The following OSBPL3 variants were observed in gnomAD, a reference collection of about 807,000 sequenced individuals.
OSBPL3 encodes the protein oxysterol binding protein like 3, also known as oxysterol-binding protein-related protein 3.
OSBPL3 carries 65 observed loss-of-function variants against 120.1 expected under a neutral mutation model. The observed-to-expected ratio is 0.54, with a 90% CI of 0.44 to 0.67. The LOEUF (loss-of-function observed/expected upper bound fraction) is 0.67, where lower values mean the gene tolerates loss of function less well. Among genes scored for constraint, OSBPL3 ranks in the 30% least tolerant of loss-of-function variants. The pLI is 0.00. For synonymous variants in OSBPL3, 416 were observed against 402.6 expected (o/e 1.03, Z -0.40); for missense variants, 1,004 against 1,082.1 (o/e 0.93, Z 1.01).
intron 19 of OSBPL3, among the ~76,000 whole-genome samples, chr7:24,811,233 A>T (rs1793758533): frequency 6.6e-6 from 1 of 152,202 alleles, no homozygotes; most frequent in Non-Finnish European, 1.5e-5. Context: ...ATGAGGTGAT[A>T]TCTCATTGTG....
intron 1 of OSBPL3, among the ~76,000 whole-genome samples, chr7:24,893,201 T>C (rs898800793): frequency 1.3e-5 from 2 of 152,188 alleles, no homozygotes; most frequent in Non-Finnish European, 2.9e-5. Context: ...TTATTCACAA[T>C]AGTCAAAGGT....
intron 12 of OSBPL3, 82 bp downstream of exon 12, chr7:24,848,987 G>T: frequency 1.1e-6 from 1 of 931,272 alleles, no homozygotes. Flanking sequence ...AGGGGAAGCA[G>T]GGAGGTCGTG....
chr7:24,874,693 T>C (rs1025186648), intron 2 of OSBPL3, among the ~76,000 whole-genome samples: 2 of 151,998 alleles, frequency 1.3e-5, no homozygotes, highest in African/African-American at 2.4e-5. Flanking sequence ...CTACAAAATA[T>C]TGTGTTTTCT....
rs1367571953 is a variant in OSBPL3, at chr7:24,952,244, G to T, written c.-150+27642C>A. On this transcript the variant is annotated intron_variant, in intron 1 of 22. Coordinates refer to ENST00000313367, the MANE Select transcript of OSBPL3 (RefSeq NM_015550.4). This position sits in a 1 kb window ranked among gnomAD's most constrained non-coding sequence, Gnocchi z 4.4. ...TGATATTTCATGTGGGTTAGGATCT[G>T]TAATCTAAACAGAATTAAGAAAAAA... Among the ~76,000 whole-genome samples the T allele has an allele frequency of 1.3e-5, 2 of 152,122 alleles. No individual in the cohort carries two copies. Among genetic ancestry groups the T allele is most frequent in the African/African-American group, 4.8e-5 (2 of 41,410 alleles).
In OSBPL3 at chr7:24,936,591, C is replaced by T. The variant is rs1467532373; in HGVS notation, c.-150+43295G>A. ...CCCTAGCTGTGGGCCTTGAAACCTCCTATTTGGGCTTCTGCCAGGTGGCAA... is the reference window on the plus strand; with the variant it reads ...CCCTAGCTGTGGGCCTTGAAACCTCTTATTTGGGCTTCTGCCAGGTGGCAA... On this transcript the variant is annotated intron_variant, in intron 1 of 22. Coordinates refer to ENST00000313367, the MANE Select transcript of OSBPL3 (RefSeq NM_015550.4). The surrounding 1 kb of genome is among the most constrained non-coding windows in gnomAD (Gnocchi z 4.2). Among the ~76,000 whole-genome samples, 1 of 152,162 alleles carries T rather than the reference C, an allele frequency of 6.6e-6. No homozygotes were observed. The highest frequency in any genetic ancestry group is 1.5e-5 in the Non-Finnish European group (1 of 68,020).
intron 1 of OSBPL3, among the ~76,000 whole-genome samples, chr7:24,901,270 G>A (rs1261824013): frequency 1.3e-5 from 2 of 151,672 alleles, no homozygotes; most frequent in Non-Finnish European, 2.9e-5. Flanking sequence ...GAGCTGAGAT[G>A]GCGCCACTGT....
intron 14 of OSBPL3, among the ~76,000 whole-genome samples, chr7:24,840,166 C>T (rs1402331263): frequency 6.6e-6 from 1 of 151,850 alleles, no homozygotes; most frequent in African/African-American, 2.4e-5. Context: ...GGGGTGGGGT[C>T]CATGTCTTAG....
At position 24,863,067 on chromosome 7, in the gene OSBPL3, G is replaced by A. The variant is rs987250307; in HGVS notation, c.870+133C>T. The A allele has an allele frequency of 1.7e-4, 114 of 675,556 alleles. No individual in the cohort carries two copies. The highest frequency in any genetic ancestry group is 2.5e-4 in the Non-Finnish European group (93 of 371,042). The allele number at this position is 675,556 out of a possible 1,614,324, so 41.8% of individuals were successfully genotyped here. ...AAGTGATTCAATTCATCTCGCTACAGAGGACACTGGAAAGAACAACTACAG... is the reference window on the plus strand; with the variant it reads ...AAGTGATTCAATTCATCTCGCTACAAAGGACACTGGAAAGAACAACTACAG... On this transcript the variant is annotated intron_variant, in intron 9 of 22. Transcript: ENST00000313367. The surrounding 1 kb of genome is among the most constrained non-coding windows in gnomAD (Gnocchi z 5.8).
rs1036241727 is a variant in OSBPL3 at position 24,817,966 on chromosome 7, C to A, written c.1949-1278G>T. 6.6e-6 allele frequency among the ~76,000 whole-genome samples: 1 copy of A among 152,208 alleles called. No homozygotes were observed. Among genetic ancestry groups the A allele is most frequent in the African/African-American group, 2.4e-5 (1 of 41,452 alleles). ...CCCATCTGGCTGCTGCACTGAGGAT[C>A]TACAGATCACAGGGAAATCAGGGTT... On this transcript the variant is annotated intron_variant, in intron 17 of 22. Transcript: ENST00000313367. This position sits in a 1 kb window ranked among gnomAD's most constrained non-coding sequence, Gnocchi z 4.0.
At chr7:24,962,387 GA>G (rs1815858257) in intron 1 of OSBPL3, among the ~76,000 whole-genome samples, 1 of 127,938 alleles carries the variant, frequency 7.8e-6, no homozygotes, top group Admixed American at 7.9e-5. Context: ...GAGGAGAGGG[GA>G]GGGGGGAGGG....
Position 24,939,117 on chromosome 7 carries a change from C to T in OSBPL3, c.-150+40769G>A, listed in dbSNP as rs1812789649. Among the ~76,000 whole-genome samples, 1 of 151,864 alleles carries T rather than the reference C, an allele frequency of 6.6e-6. No individual in the cohort carries two copies. Among genetic ancestry groups the T allele is most frequent in the Non-Finnish European group, 1.5e-5 (1 of 67,984 alleles). On this transcript the variant is annotated intron_variant, in intron 1 of 22. Transcript: ENST00000313367. This position sits in a 1 kb window ranked among gnomAD's most constrained non-coding sequence, Gnocchi z 4.2. Reference sequence around the variant, plus strand: ...AGAAGAGATGGTGAGGTAAGTATCCCAGGAAATGCAGTATTTAAGAGAAAG... The same window carrying T: ...AGAAGAGATGGTGAGGTAAGTATCCTAGGAAATGCAGTATTTAAGAGAAAG...
In OSBPL3 at chr7:24,863,676, C is replaced by A; in HGVS notation, c.674-77G>T. On this transcript the variant is annotated intron_variant, in intron 7 of 22. Coordinates refer to ENST00000313367, the MANE Select transcript of OSBPL3 (RefSeq NM_015550.4). This position sits in a 1 kb window ranked among gnomAD's most constrained non-coding sequence, Gnocchi z 5.8. ...CACTGTGCTGTCCCCATGCCAGCTA[C>A]TTTTCCTTATTTATCTGTAGTTGAT... The A allele has an allele frequency of 1.1e-6, 1 of 926,842 alleles. No homozygotes were observed. The allele number at this position is 926,842 out of a possible 1,614,324, so 57.4% of individuals were successfully genotyped here. A position where few individuals can be genotyped will look rare whatever the true frequency, so the allele number is the denominator to read the frequency against.
At chr7:24,980,448 C>T (rs1818204168), upstream of OSBPL3, among the ~76,000 whole-genome samples, 4 of 151,946 alleles carry the variant, frequency 2.6e-5, no homozygotes, top group African/African-American at 4.8e-5. Context: ...TGCGGCGAGG[C>T]ACTGGGTGGG....
At chr7:24,948,057 A>T (rs888420928) in intron 1 of OSBPL3, among the ~76,000 whole-genome samples, 4 of 152,224 alleles carry the variant, frequency 2.6e-5, no homozygotes, top group African/African-American at 4.8e-5. Flanking sequence ...AAGCTCACAG[A>T]CCTATATAGA....
rs903860881 is a variant in OSBPL3, at chr7:24,854,524, A to G, written c.1028-1890T>C. 1.8e-4 allele frequency among the ~76,000 whole-genome samples: 27 copies of G among 150,162 alleles called. No homozygotes were observed. The highest frequency in any genetic ancestry group is 6.6e-4 in the African/African-American group (27 of 40,868). On this transcript the variant is annotated intron_variant, in intron 10 of 22. Coordinates refer to ENST00000313367, the MANE Select transcript of OSBPL3 (RefSeq NM_015550.4). The surrounding 1 kb of genome is among the most constrained non-coding windows in gnomAD (Gnocchi z 4.1). ...CACGCACACACACACACACACACAC[A>G]CACACACACACACAAACACACACAA...
chr7:24,806,785 G>C lies in OSBPL3; in HGVS notation c.2435C>G (p.Pro812Arg), dbSNP rs139950443. The change falls in exon 21 of 23, where the codon CCA (proline) becomes CGA (arginine). Residue 812 changes from proline (P) to arginine (R), a missense_variant. Physicochemically the swap from Pro to Arg is moderately radical, Grantham distance 103 (BLOSUM62 -2). This residue lies in a region of OSBPL3 where 473 missense variants were observed against 568.0 expected (regional missense o/e 0.83). Coordinates refer to ENST00000313367, the MANE Select transcript of OSBPL3 (RefSeq NM_015550.4). This position sits in a 1 kb window ranked among gnomAD's most constrained non-coding sequence, Gnocchi z 5.2. Reference sequence around the variant, plus strand: ...TTTAAAAAATCCTTACCTCTGGTCTGGCCTAAATCGAGTGTCAGTAGGTGG... The same window carrying C: ...TTTAAAAAATCCTTACCTCTGGTCTCGCCTAAATCGAGTGTCAGTAGGTGG... ...LLPPTDTRFR[P>R]DQRFLEEGNL... The C allele has an allele frequency of 4.3e-6, 7 of 1,613,698 alleles. No homozygotes were observed. Among genetic ancestry groups the C allele is most frequent in the Non-Finnish European group, 5.9e-6 (7 of 1,179,838 alleles).
rs951565710 is a variant in OSBPL3 at position 24,932,962 on chromosome 7, A to T, written c.-149-40341T>A. Among the ~76,000 whole-genome samples, 1 of 152,254 alleles carries T rather than the reference A, an allele frequency of 6.6e-6. No homozygotes were observed. Among genetic ancestry groups the T allele is most frequent in the Admixed American group, 6.5e-5 (1 of 15,280 alleles). ...CAGAATGCCATGTTACAAACCAGTG[A>T]ACCGTCTTTCCTCCATATTCAAATT... is the stretch of plus-strand genomic sequence containing the variant. On this transcript the variant is annotated intron_variant, in intron 1 of 22. Coordinates refer to ENST00000313367, the MANE Select transcript of OSBPL3 (RefSeq NM_015550.4). The surrounding 1 kb of genome is among the most constrained non-coding windows in gnomAD (Gnocchi z 5.6).
chr7:24,839,979 G>C (rs1021537033), intron 14 of OSBPL3, among the ~76,000 whole-genome samples: 7 of 76,080 alleles, frequency 9.2e-5, no homozygotes, highest in African/African-American at 3.7e-4. Context: ...GACAGAAAGA[G>C]ACTCCATCTC....
chr7:24,915,627 G>T (rs1203182927), intron 1 of OSBPL3, among the ~76,000 whole-genome samples: 1 of 150,406 alleles, frequency 6.6e-6, no homozygotes, highest in African/African-American at 2.5e-5. Flanking sequence ...AGGCTGGAGT[G>T]CAGTGGTACA....
Sources: gnomAD v4.1 joint callset for allele counts (sites outside exome capture counted in the v4.1 genomes callset) on GRCh38, gnomAD v4.1.1 for gene constraint, gnomAD v4.1.1 regional missense constraint, Gnocchi (gnomAD v3.1) non-coding constraint, MANE v1.5 for transcripts, NCBI Gene and HGNC (gene_info 2026-07-23, HGNC 2026-07-21) for gene names.